The following SLC30A9 variants were observed in gnomAD, a reference collection of about 807,000 sequenced individuals.
The protein encoded by SLC30A9 is solute carrier family 30 member 9, also known as proton-coupled zinc antiporter SLC30A9, mitochondrial.
SLC30A9 carries 58 observed loss-of-function variants against 87.5 expected under a neutral mutation model. That is an observed-to-expected ratio of 0.66 (90% CI 0.54 to 0.82). The LOEUF is 0.82. Among genes scored for constraint, SLC30A9 ranks in the 40% least tolerant of loss-of-function variants. The probability of loss-of-function intolerance (pLI) is 0.00; values close to 1 mark genes in which losing one functional copy is unlikely to be tolerated. For missense variants in SLC30A9, 557 were observed against 679.1 expected (o/e 0.82, Z 2.00); for synonymous variants, 234 against 233.0 (o/e 1.00, Z -0.04).
chr4:42,013,802 C>T (rs1198961017), intron 2 of SLC30A9, among the ~76,000 whole-genome samples: 1 of 152,134 alleles, frequency 6.6e-6, no homozygotes, highest in Non-Finnish European at 1.5e-5. Flanking sequence ...TTAAAGAAAA[C>T]ATTGGGGAAA....
intron 7 of SLC30A9, among the ~76,000 whole-genome samples, chr4:42,037,882 T>C (rs1344241489): frequency 6.6e-6 from 1 of 152,156 alleles, no homozygotes; most frequent in African/African-American, 2.4e-5. Context: ...GAGATTCTCA[T>C]GCCTCAGCCT....
At chr4:42,080,214 G>T (rs1259760617) in intron 17 of SLC30A9, among the ~76,000 whole-genome samples, 1 of 152,080 alleles carries the variant, frequency 6.6e-6, no homozygotes, top group Middle Eastern at 3.2e-3. Flanking sequence ...GAAGGTAGGG[G>T]GCACAGTCTA....
intron 17 of SLC30A9, among the ~76,000 whole-genome samples, chr4:42,084,562 C>A (rs1718853474): frequency 6.6e-6 from 1 of 152,122 alleles, no homozygotes; most frequent in African/African-American, 2.4e-5. Flanking sequence ...ACCTCTGCCT[C>A]CCGGGTTCAA....
chr4:42,004,080 A>G lies in SLC30A9; in HGVS notation c.274+2300A>G, dbSNP rs145298584. Reference sequence around the variant, plus strand: ...GATCTTTCTGTCTGATGTACATCCTATACAAGTTCGTTTAGCTGAGGATCT... The same window carrying G: ...GATCTTTCTGTCTGATGTACATCCTGTACAAGTTCGTTTAGCTGAGGATCT... On this transcript the variant is annotated intron_variant, in intron 2 of 17. Coordinates refer to ENST00000264451, the MANE Select transcript of SLC30A9 (RefSeq NM_006345.4). 9.0e-3 allele frequency among the ~76,000 whole-genome samples: 1,368 copies of G among 152,282 alleles called. 22 individuals are homozygous for G. The highest frequency in any genetic ancestry group is 0.032 in the African/African-American group (1,315 of 41,546).
chr4:42,025,806 C>T (rs941532173), intron 6 of SLC30A9, among the ~76,000 whole-genome samples: 10 of 152,172 alleles, frequency 6.6e-5, no homozygotes, highest in African/African-American at 2.4e-4. Flanking sequence ...GCTAGGACTA[C>T]AGGCACCCGC....
intron 1 of SLC30A9, among the ~76,000 whole-genome samples, chr4:41,993,540 G>T (rs1169131075): frequency 6.6e-6 from 1 of 152,132 alleles, no homozygotes; most frequent in Non-Finnish European, 1.5e-5. Context: ...GAAAAACAGA[G>T]ACTTTAAAGG....
At position 42,087,129 on chromosome 4, in the gene SLC30A9, A is replaced by G. The variant is rs775256442; in HGVS notation, c.*1003A>G. 6.6e-6 allele frequency: 1 copy of G among 152,192 alleles called. No homozygotes were observed. The highest frequency in any genetic ancestry group is 2.4e-5 in the African/African-American group (1 of 41,444). The allele number at this position is 152,192 out of a possible 1,614,324, so 9.4% of individuals were successfully genotyped here. A position where few individuals can be genotyped will look rare whatever the true frequency, so the allele number is the denominator to read the frequency against. On this transcript the variant is annotated 3_prime_UTR_variant, in exon 18 of 18. Transcript: ENST00000264451. ...ACTCATGGTCATGATTTTGTATAAT[A>G]TAGTTCATACTGTGTCTGTGAGTTT... is the stretch of plus-strand genomic sequence containing the variant.
At chr4:41,991,585 A>G (rs1714443556) in intron 1 of SLC30A9, among the ~76,000 whole-genome samples, 1 of 152,052 alleles carries the variant, frequency 6.6e-6, no homozygotes, top group African/African-American at 2.4e-5. Context: ...CCTTAACCTA[A>G]TCCCTCCATT....
At chr4:41,998,526 C>T (rs554479211) in intron 1 of SLC30A9, among the ~76,000 whole-genome samples, 140 of 151,058 alleles carry the variant, frequency 9.3e-4, no homozygotes, top group Non-Finnish European at 1.4e-3. Context: ...TGCAATGGCG[C>T]GATCTTGGTT....
intron 15 of SLC30A9, among the ~76,000 whole-genome samples, chr4:42,072,308 T>C (rs1365032564): frequency 6.6e-6 from 1 of 152,042 alleles, no homozygotes; most frequent in South Asian, 2.1e-4. Context: ...TCCTTCTGCG[T>C]GCTTTCAGTT....
At chr4:41,994,864 A>G (rs919845593) in intron 1 of SLC30A9, among the ~76,000 whole-genome samples, 16 of 146,160 alleles carry the variant, frequency 1.1e-4, no homozygotes, top group Admixed American at 3.4e-4. Context: ...TAGACTGTCA[A>G]TGCTCTTAGT....
intron 8 of SLC30A9, among the ~76,000 whole-genome samples, chr4:42,048,230 A>T (rs79382985): frequency 0.038 from 5,750 of 151,850 alleles, 364 homozygotes; most frequent in African/African-American, 0.13. Flanking sequence ...TTATAAATTT[A>T]AAAAATAAAT....
At chr4:42,059,874 C>G (rs1290886441) in intron 9 of SLC30A9, among the ~76,000 whole-genome samples, 4 of 152,118 alleles carry the variant, frequency 2.6e-5, no homozygotes, top group Non-Finnish European at 5.9e-5. Context: ...ATAGAAAGCT[C>G]TACTCTAACC....
At chr4:42,076,217 A>G (rs1718544846) in intron 16 of SLC30A9, among the ~76,000 whole-genome samples, 1 of 152,238 alleles carries the variant, frequency 6.6e-6, no homozygotes, top group South Asian at 2.1e-4. Flanking sequence ...TTTATAAAAC[A>G]GAATATAATG....
At chr4:42,040,350 A>G (rs1716870508) in intron 8 of SLC30A9, among the ~76,000 whole-genome samples, 1 of 152,186 alleles carries the variant, frequency 6.6e-6, no homozygotes, top group South Asian at 2.1e-4. Flanking sequence ...TAAGATATGT[A>G]CTTAAGAAGT....
chr4:42,024,753 G>A (rs1432124467), intron 6 of SLC30A9, among the ~76,000 whole-genome samples: 1 of 152,104 alleles, frequency 6.6e-6, no homozygotes, highest in Non-Finnish European at 1.5e-5. Context: ...ACTTTTTTGT[G>A]TATTTGATGG....
intron 8 of SLC30A9, among the ~76,000 whole-genome samples, chr4:42,039,735 A>G (rs1228909859): frequency 6.6e-6 from 1 of 152,100 alleles, no homozygotes; most frequent in African/African-American, 2.4e-5. Context: ...TGCTGGGATT[A>G]CAGGTGTGAG....
intron 1 of SLC30A9, among the ~76,000 whole-genome samples, chr4:41,994,827 C>CA (rs539190933): frequency 0.046 from 4,322 of 94,622 alleles, 108 homozygotes; most frequent in Middle Eastern, 0.08. Flanking sequence ...GATGTGGTCT[C>CA]AAAAAAAAAA....
chr4:42,077,809 G>GA (rs1718613558), intron 16 of SLC30A9, among the ~76,000 whole-genome samples: 1 of 151,596 alleles, frequency 6.6e-6, no homozygotes, highest in African/African-American at 2.4e-5. Context: ...TCTTTTGCAT[G>GA]AAAAATCCTT....
Sources: gnomAD v4.1 joint callset for allele counts (sites outside exome capture counted in the v4.1 genomes callset) on GRCh38, gnomAD v4.1.1 for gene constraint, MANE v1.5 for transcripts, NCBI Gene and HGNC (gene_info 2026-07-23, HGNC 2026-07-21) for gene names.